The following PLCE1 variants were observed in gnomAD, a reference collection of about 807,000 sequenced individuals.
The protein encoded by PLCE1 is 1-phosphatidylinositol 4,5-bisphosphate phosphodiesterase epsilon-1.
In PLCE1, 119 loss-of-function variants were observed where a neutral mutation model predicts 242.8. The ratio of observed to expected loss-of-function variants is 0.49; its 90% CI spans 0.42 to 0.57. The LOEUF (loss-of-function observed/expected upper bound fraction) is 0.57, where lower values mean the gene tolerates loss of function less well. Ranked by LOEUF, PLCE1 falls within the 20% of genes least tolerant of loss-of-function variation. The pLI is 0.00. For synonymous variants in PLCE1, 945 were observed against 1,017.4 expected (o/e 0.93, Z 1.35); for missense variants, 2,441 against 2,788.8 (o/e 0.88, Z 2.81).
chr10:94,326,569 T>C (rs561391323), intron 32 of PLCE1, among the ~76,000 whole-genome samples: 9 of 152,316 alleles, frequency 5.9e-5, no homozygotes, highest in Admixed American at 1.3e-4. Context: ...TCTCTACATA[T>C]AAAGAGCCCG....
intron 2 of PLCE1, among the ~76,000 whole-genome samples, chr10:94,074,947 A>G (rs1009881890): frequency 3.9e-5 from 6 of 152,194 alleles, no homozygotes; most frequent in African/African-American, 1.4e-4. Context: ...TATGCCTTGT[A>G]AATGTGGGTC....
At chr10:94,052,320 A>C (rs930267308) in intron 2 of PLCE1, among the ~76,000 whole-genome samples, 2 of 152,216 alleles carry the variant, frequency 1.3e-5, no homozygotes, top group Non-Finnish European at 2.9e-5. Flanking sequence ...GATAATAAAC[A>C]AATCTTTGAG....
At chr10:94,197,096 G>A (rs2048844925) in intron 4 of PLCE1, among the ~76,000 whole-genome samples, 2 of 152,100 alleles carry the variant, frequency 1.3e-5, no homozygotes, top group South Asian at 2.1e-4. Flanking sequence ...ACAATAAGTG[G>A]CCTTTTTTGT....
chr10:94,038,222 G>A (rs2061701977), intron 2 of PLCE1, among the ~76,000 whole-genome samples: 1 of 152,100 alleles, frequency 6.6e-6, no homozygotes. Flanking sequence ...TTGATCAAAT[G>A]ATTCAGCATT....
chr10:94,267,929 A>C lies in PLCE1; in HGVS notation c.4282-1000A>C, dbSNP rs76551987. ...ATCTGAGCTTAGTTGCAGAAACTCT[A>C]GTGGCCACTAAGCCCCAGTAATGGA... On this transcript the variant is annotated intron_variant, in intron 16 of 32. Transcript: ENST00000371380. 7.9e-3 allele frequency among the ~76,000 whole-genome samples: 1,199 copies of C among 152,356 alleles called. 16 individuals carry two copies. Among genetic ancestry groups the C allele is most frequent in the African/African-American group, 0.028 (1,154 of 41,588 alleles).
Position 94,252,380 on chromosome 10 carries a change from G to T in PLCE1, c.3161G>T (p.Trp1054Leu). ...HAVELFGGRR[W>L]SARNPSPGTS... ...GTGGAGTTGTTTGGTGGCAGACGGT[G>T]GAGTGCTCGAAACCCCAGCCCCGGA... The change falls in exon 9 of 33, where the codon TGG becomes TTG. Residue 1054 changes from tryptophan to leucine, a missense_variant. Physicochemically the swap from Trp to Leu is moderately conservative, Grantham distance 61. Coordinates refer to ENST00000371380, the MANE Select transcript of PLCE1 (RefSeq NM_016341.4). 1 of 1,614,102 alleles carries T rather than the reference G, an allele frequency of 6.2e-7. No homozygotes were observed. Among genetic ancestry groups the T allele is most frequent in the Non-Finnish European group, 8.5e-7 (1 of 1,180,002 alleles).
intron 1 of PLCE1, among the ~76,000 whole-genome samples, chr10:94,008,447 T>TA (rs1040366698): frequency 3.9e-5 from 6 of 152,064 alleles, no homozygotes; most frequent in Admixed American, 1.3e-4. Flanking sequence ...TAACTGGGAT[T>TA]ACAGGTGCGT....
intron 4 of PLCE1, among the ~76,000 whole-genome samples, chr10:94,199,694 A>T (rs1397489210): frequency 6.6e-6 from 1 of 152,248 alleles, no homozygotes; most frequent in Non-Finnish European, 1.5e-5. Flanking sequence ...CTTTTCACAG[A>T]AATGAATAAA....
chr10:94,008,848 G>A (rs2061105121), intron 1 of PLCE1, among the ~76,000 whole-genome samples: 1 of 152,176 alleles, frequency 6.6e-6, no homozygotes, highest in Admixed American at 6.5e-5. Flanking sequence ...TGGCTTAGAG[G>A]AAGGAGACCT....
At chr10:94,320,982 G>A (rs1451638368) in intron 29 of PLCE1, among the ~76,000 whole-genome samples, 1 of 152,076 alleles carries the variant, frequency 6.6e-6, no homozygotes, top group Non-Finnish European at 1.5e-5. Flanking sequence ...TTATTGATAC[G>A]CTTCTGTACT....
chr10:94,051,286 CAAAAAAAAA>C (rs869233995), intron 2 of PLCE1, among the ~76,000 whole-genome samples: 3 of 29,370 alleles, frequency 1.0e-4, no homozygotes, highest in East Asian at 1.1e-3. Context: ...GACTCCAACT[CAAAAAAAAA>C]AAAAAAAAAA....
At chr10:94,227,575 G>GAAATGTATTATCTTCTTTCAGC in intron 5 of PLCE1, 124 bp downstream of exon 5, 1 of 926,510 alleles carries the variant, frequency 1.1e-6, no homozygotes. Flanking sequence ...ATTAACTTGG[G>GAAATGTATTATCTTCTTTCAGC]AAATGTATTA....
At chr10:94,026,292 G>T (rs1204152644) in intron 1 of PLCE1, among the ~76,000 whole-genome samples, 2 of 152,018 alleles carry the variant, frequency 1.3e-5, no homozygotes, top group African/African-American at 4.8e-5. Context: ...CATTTCTTTA[G>T]TCATATTACC....
At chr10:94,314,634 A>C (rs2053506071) in intron 28 of PLCE1, among the ~76,000 whole-genome samples, 1 of 152,182 alleles carries the variant, frequency 6.6e-6, no homozygotes, top group South Asian at 2.1e-4. Context: ...ATAGGAGTAG[A>C]CTAAAGGAAG....
At chr10:94,136,622 C>T (rs1030914762) in intron 3 of PLCE1, among the ~76,000 whole-genome samples, 1 of 152,136 alleles carries the variant, frequency 6.6e-6, no homozygotes, top group Non-Finnish European at 1.5e-5. Flanking sequence ...ACTGGTAACT[C>T]GAGGCTTGAT....
In PLCE1 at chr10:94,037,480, C is replaced by T. The variant is rs183021221; in HGVS notation, c.1206+5228C>T. Reference sequence around the variant, plus strand: ...CTAGGGTACAGTTTGGACCTTGAGACAATTAAAATTTCGTGGGGTGCTTAG... The same window carrying T: ...CTAGGGTACAGTTTGGACCTTGAGATAATTAAAATTTCGTGGGGTGCTTAG... On this transcript the variant is annotated intron_variant, in intron 2 of 32. Transcript: ENST00000371380. 1.2e-3 allele frequency among the ~76,000 whole-genome samples: 190 copies of T among 152,244 alleles called. 1 individual carries two copies. The highest frequency in any genetic ancestry group is 3.8e-3 in the African/African-American group (160 of 41,572).
At chr10:94,214,328 TG>T (rs2049445439) in intron 4 of PLCE1, among the ~76,000 whole-genome samples, 1 of 152,060 alleles carries the variant, frequency 6.6e-6, no homozygotes, top group African/African-American at 2.4e-5. Flanking sequence ...ATCTTCACCC[TG>T]AGGAGAGTGA....
intron 18 of PLCE1, among the ~76,000 whole-genome samples, chr10:94,271,268 T>C (rs1026787688): frequency 6.7e-6 from 1 of 150,372 alleles, no homozygotes; most frequent in African/African-American, 2.4e-5. Context: ...TGAAAATATC[T>C]CAGGGCAAGT....
At chr10:94,221,422 T>C (rs978324697) in intron 4 of PLCE1, among the ~76,000 whole-genome samples, 2 of 152,218 alleles carry the variant, frequency 1.3e-5, no homozygotes, top group Non-Finnish European at 2.9e-5. Context: ...GGATGTGCAC[T>C]ACACATAAAC....
Sources: gnomAD v4.1 joint callset for allele counts (sites outside exome capture counted in the v4.1 genomes callset) on GRCh38, gnomAD v4.1.1 for gene constraint, MANE v1.5 for transcripts, NCBI Gene and HGNC (gene_info 2026-07-23, HGNC 2026-07-21) for gene names.